The following CDS1 variants were observed in gnomAD, a reference collection of about 807,000 sequenced individuals.
The protein encoded by CDS1 is phosphatidate cytidylyltransferase 1.
Under a neutral mutation model 62.1 loss-of-function variants are expected in CDS1, and 41 were observed. The observed-to-expected ratio is 0.66, with a 90% CI of 0.51 to 0.86. The LOEUF is 0.86. Among genes scored for constraint, CDS1 ranks in the 40% least tolerant of loss-of-function variants. The pLI, the probability that CDS1 is intolerant of heterozygous loss-of-function variation, is 0.00. For missense variants in CDS1, 470 were observed against 550.1 expected (o/e 0.85, Z 1.46); for synonymous variants, 185 against 192.6 (o/e 0.96, Z 0.32).
At chr4:84,610,588 C>T (rs1723287585) in intron 3 of CDS1, among the ~76,000 whole-genome samples, 1 of 152,180 alleles carries the variant, frequency 6.6e-6, no homozygotes, top group African/African-American at 2.4e-5. Flanking sequence ...GTACCTGTCT[C>T]TGCCCTCATG....
Position 84,631,781 on chromosome 4 carries a change from A to G in CDS1, c.581-38A>G, listed in dbSNP as rs762779246. 2.7e-5 allele frequency: 42 copies of G among 1,569,410 alleles called. No individual in the cohort carries two copies. In the East Asian group the frequency reaches 5.8e-4, roughly 22 times the overall value. ...CAAGGAATCTTAACCCTTTGTACCA[A>G]ATTGTACAACGAGCACATGTTTTTT... On this transcript the variant is annotated intron_variant, in intron 5 of 12. Coordinates refer to ENST00000295887, the MANE Select transcript of CDS1 (RefSeq NM_001263.4).
At chr4:84,589,627 A>G (rs1030785381) in intron 1 of CDS1, among the ~76,000 whole-genome samples, 2 of 152,338 alleles carry the variant, frequency 1.3e-5, no homozygotes, top group South Asian at 2.1e-4. Flanking sequence ...ATTTCATTTA[A>G]TAACATTTTT....
intron 1 of CDS1, among the ~76,000 whole-genome samples, chr4:84,600,764 T>C (rs1010448043): frequency 2.0e-5 from 3 of 152,240 alleles, no homozygotes; most frequent in Admixed American, 2.0e-4. Context: ...GGCTCTTCTA[T>C]GTTCTTTGCA....
rs759139872 is a variant in CDS1 at position 84,651,206 on chromosome 4, C to T, written c.*2520C>T. The T allele has an allele frequency of 2.0e-5, 3 of 152,062 alleles. No homozygotes were observed. Among genetic ancestry groups the T allele is most frequent in the East Asian group, 1.9e-4 (1 of 5,178 alleles). The allele number at this position is 152,062 out of a possible 1,614,324, so 9.4% of individuals were successfully genotyped here. A position where few individuals can be genotyped will look rare whatever the true frequency, so the allele number is the denominator to read the frequency against. ...GAACAAAGATAGTGTCACCTTGTTC[C>T]GTGAAAAAGAAAAAGCATAAACAGT... On this transcript the variant is annotated 3_prime_UTR_variant, in exon 13 of 13. Transcript: ENST00000295887.
intron 12 of CDS1, among the ~76,000 whole-genome samples, chr4:84,646,579 G>A (rs1724564206): frequency 6.6e-6 from 1 of 152,040 alleles, no homozygotes; most frequent in African/African-American, 2.4e-5. Context: ...ATATTCATTA[G>A]TTTTCAAACA....
Position 84,645,626 on chromosome 4 carries a change from A to G in CDS1, c.1256+301A>G, listed in dbSNP as rs572445797. Among the ~76,000 whole-genome samples, 3 of 152,294 alleles carry G rather than the reference A, an allele frequency of 2.0e-5. No homozygotes were observed. In the East Asian group the frequency reaches 5.8e-4, roughly 29 times the overall value. ...TTGATTTCTCAACTGTGGGCATTGC[A>G]ATGATCATGAATACTAAGAGTTAAA... On this transcript the variant is annotated intron_variant, in intron 12 of 12. Transcript: ENST00000295887.
intron 2 of CDS1, among the ~76,000 whole-genome samples, chr4:84,608,889 T>C (rs1723217499): frequency 6.6e-6 from 1 of 151,820 alleles, no homozygotes; most frequent in East Asian, 2.0e-4. Context: ...AAAAATTATT[T>C]TCTTTCTGGC....
At chr4:84,606,788 C>T (rs1723107912) in intron 2 of CDS1, among the ~76,000 whole-genome samples, 1 of 152,112 alleles carries the variant, frequency 6.6e-6, no homozygotes, top group African/African-American at 2.4e-5. Flanking sequence ...TCAAGCAATC[C>T]TCCCACCTCA....
chr4:84,631,853 A>G lies in CDS1; in HGVS notation c.615A>G (p.Lys205=). 8 of 1,611,876 alleles carry G rather than the reference A, an allele frequency of 5.0e-6. No individual in the cohort carries two copies. Among genetic ancestry groups the G allele is most frequent in the Non-Finnish European group, 6.8e-6 (8 of 1,178,130 alleles). ...FCMFVLSLVK[K]HYRLQFYMFA... ...TGTTTGTACTGAGTTTGGTGAAGAAACATTATCGTCTGCAGTTTTATATGG... is the reference window on the plus strand; with the variant it reads ...TGTTTGTACTGAGTTTGGTGAAGAAGCATTATCGTCTGCAGTTTTATATGG... Residue 205 remains lysine (K), a synonymous_variant, in exon 6 of 13, where the codon AAA becomes AAG. Transcript: ENST00000295887.
intron 1 of CDS1, among the ~76,000 whole-genome samples, chr4:84,594,159 T>G (rs1299035858): frequency 2.0e-5 from 3 of 152,116 alleles, no homozygotes; most frequent in Non-Finnish European, 4.4e-5. Context: ...TAAATTGACA[T>G]AAGACAAGAG....
intron 4 of CDS1, among the ~76,000 whole-genome samples, chr4:84,618,124 A>G (rs868634758): frequency 7.2e-5 from 11 of 152,198 alleles, no homozygotes; most frequent in African/African-American, 2.2e-4. Flanking sequence ...TTAAAATTTT[A>G]TATCTTTTAA....
intron 6 of CDS1, among the ~76,000 whole-genome samples, chr4:84,632,250 C>T (rs1724043683): frequency 6.6e-6 from 1 of 151,924 alleles, no homozygotes; most frequent in Admixed American, 6.6e-5. Context: ...TTTACTTGCA[C>T]TTGGCGTGCG....
chr4:84,589,560 A>G (rs1722517285), intron 1 of CDS1, among the ~76,000 whole-genome samples: 1 of 152,370 alleles, frequency 6.6e-6, no homozygotes, highest in Middle Eastern at 3.4e-3. Flanking sequence ...ATTATCAGTC[A>G]GTATTACCAC....
intron 5 of CDS1, among the ~76,000 whole-genome samples, chr4:84,630,101 A>G (rs933272631): frequency 5.9e-5 from 9 of 152,162 alleles, no homozygotes; most frequent in Non-Finnish European, 1.3e-4. Context: ...CAGTGGCACA[A>G]AAACAGCATA....
chr4:84,632,436 G>A (rs1461908911), intron 6 of CDS1, among the ~76,000 whole-genome samples: 1 of 152,096 alleles, frequency 6.6e-6, no homozygotes, highest in African/African-American at 2.4e-5. Context: ...ACTGTACAAT[G>A]CAATGTAGTA....
intron 8 of CDS1, among the ~76,000 whole-genome samples, chr4:84,635,617 G>GCTTT (rs1724165660): frequency 1.1e-5 from 1 of 91,600 alleles, no homozygotes; most frequent in Non-Finnish European, 2.2e-5. Context: ...CTGCCTGCCT[G>GCTTT]CCTGCCTGCC....
chr4:84,588,341 A>T (rs898838813), intron 1 of CDS1, among the ~76,000 whole-genome samples: 2 of 152,204 alleles, frequency 1.3e-5, no homozygotes, highest in Non-Finnish European at 1.5e-5. Flanking sequence ...TAAATACATT[A>T]TTATTTTCAA....
chr4:84,623,116 C>T (rs972980817), intron 5 of CDS1, among the ~76,000 whole-genome samples: 2 of 152,154 alleles, frequency 1.3e-5, no homozygotes, highest in Admixed American at 6.5e-5. Flanking sequence ...ACTTCTGTGC[C>T]AGAGACCTCT....
chr4:84,650,846 G>A lies in CDS1; in HGVS notation c.*2160G>A, dbSNP rs1484197203. ...CTTTTATAGCATGTATATTAAAATA[G>A]AATATATTTTAGCAAAAGATTGCCA... On this transcript the variant is annotated 3_prime_UTR_variant, in exon 13 of 13. Coordinates refer to ENST00000295887, the MANE Select transcript of CDS1 (RefSeq NM_001263.4). 1 of 152,118 alleles carries A rather than the reference G, an allele frequency of 6.6e-6. No homozygotes were observed. The highest frequency in any genetic ancestry group is 1.5e-5 in the Non-Finnish European group (1 of 68,014). 9.4% of individuals were successfully genotyped at this position (152,118 alleles called of 1,614,324 possible).
Sources: allele counts gnomAD v4.1 joint callset (sites outside exome capture counted in the v4.1 genomes callset), GRCh38; gene constraint gnomAD v4.1.1; transcripts MANE v1.5; gene names NCBI Gene and HGNC (gene_info 2026-07-23, HGNC 2026-07-21).